Variants in BCL7C observed in about 807,000 individuals in gnomAD.
BCL7C encodes B-cell CLL/lymphoma 7 protein family member C.
A neutral mutation model predicts 26.2 loss-of-function variants in BCL7C; 8 were observed. The ratio of observed to expected loss-of-function variants is 0.30; its 90% CI spans 0.18 to 0.55. The LOEUF is 0.55. Among genes scored for constraint, BCL7C ranks in the 20% least tolerant of loss-of-function variants. BCL7C has a pLI of 0.93. For missense variants in BCL7C, 262 were observed against 298.5 expected (o/e 0.88, Z 0.90); for synonymous variants, 90 against 116.5 (o/e 0.77, Z 1.47).
rs2055280840 is a variant in BCL7C at position 30,893,118 on chromosome 16, AGGTCTCG to A, written c.171+87_171+93del. On this transcript the variant is annotated intron_variant, in intron 2 of 5. Coordinates refer to ENST00000215115, the MANE Select transcript of BCL7C (RefSeq NM_004765.4). This position sits in a 1 kb window ranked among gnomAD's most constrained non-coding sequence, Gnocchi z 5.2. ...GTTCCCGTCTGTCCTGCTGCATCTG[AGGTCTCG>A]GGGAGCTGGAGGTAGAGGTCAGCGT... is the stretch of plus-strand genomic sequence containing the variant. 5 of 1,363,102 alleles carry A rather than the reference AGGTCTCG, an allele frequency of 3.7e-6. No individual in the cohort carries two copies. The East Asian group carries it at 1.2e-4, about 32-fold the overall frequency. The allele number at this position is 1,363,102 out of a possible 1,614,324, so 84.4% of individuals were successfully genotyped here.
chr16:30,845,957 T>C, intron 5 of BCL7C, among the ~76,000 whole-genome samples: 1 of 151,416 alleles, frequency 6.6e-6, no homozygotes, highest in Middle Eastern at 3.2e-3. Flanking sequence ...ATACAAAAAT[T>C]AGCTGTGCAT....
intron 5 of BCL7C, among the ~76,000 whole-genome samples, chr16:30,852,554 T>C (rs2125293): frequency 0.74 from 110,303 of 150,010 alleles, 41,075 homozygotes; most frequent in East Asian, 0.91. Flanking sequence ...TGCAGTATTG[T>C]GATCTCGGCT....
chr16:30,878,780 T>C (rs1276277556), intron 5 of BCL7C, among the ~76,000 whole-genome samples: 6 of 151,336 alleles, frequency 4.0e-5, no homozygotes, highest in Admixed American at 2.6e-4. Flanking sequence ...GAGGCAGAGG[T>C]TGCAGTGAGC....
intron 4 of BCL7C, among the ~76,000 whole-genome samples, chr16:30,890,921 G>A (rs1365982393): frequency 1.3e-5 from 2 of 151,934 alleles, no homozygotes; most frequent in African/African-American, 2.4e-5. Flanking sequence ...GGAGGCAGAG[G>A]TTGCGGTGAG....
intron 5 of BCL7C, among the ~76,000 whole-genome samples, chr16:30,863,538 A>G (rs1312699451): frequency 1.3e-5 from 2 of 152,194 alleles, no homozygotes; most frequent in African/African-American, 2.4e-5. Flanking sequence ...AGGGCCATCA[A>G]AAGGTGTCAG....
intron 5 of BCL7C, 57 bp downstream of exon 5, chr16:30,888,803 G>T: frequency 6.5e-7 from 1 of 1,549,812 alleles, no homozygotes; most frequent in South Asian, 1.1e-5. Flanking sequence ...GCCTTCGACT[G>T]CCCAGATCCC....
In BCL7C at chr16:30,834,991, G is replaced by A. The variant is rs2054560659; in HGVS notation, c.686C>T (p.Ala229Val). The stretch of plus-strand genomic sequence containing the variant: ...GGGGATTGTTCTGGGTGCCCTCGGG[G>A]CCTTGCTGCCTCCCCCGGGAGCTCT... Residue 229 changes from alanine (A) to valine (V), a missense_variant, in exon 6 of 6, where the codon GCC (alanine) becomes GTC (valine). Ala to Val is a moderately conservative substitution (Grantham distance 64, BLOSUM62 0). Transcript: ENST00000380317. This position sits in a 1 kb window ranked among gnomAD's most constrained non-coding sequence, Gnocchi z 4.3. 1 of 1,548,082 alleles carries A rather than the reference G, an allele frequency of 6.5e-7. No homozygotes were observed.
chr16:30,864,283 A>G (rs1400609578), intron 5 of BCL7C, among the ~76,000 whole-genome samples: 1 of 152,152 alleles, frequency 6.6e-6, no homozygotes, highest in Non-Finnish European at 1.5e-5. Flanking sequence ...AATTATGCTG[A>G]ACCCCCTTGG....
intron 5 of BCL7C, among the ~76,000 whole-genome samples, chr16:30,849,693 T>C (rs981402836): frequency 3.9e-5 from 6 of 151,972 alleles, no homozygotes; most frequent in African/African-American, 1.4e-4. Flanking sequence ...TTGGGCAATC[T>C]GCCTGCCTCG....
intron 5 of BCL7C, among the ~76,000 whole-genome samples, chr16:30,877,489 G>A (rs922752265): frequency 2.0e-5 from 3 of 147,354 alleles, no homozygotes; most frequent in Admixed American, 6.9e-5. Flanking sequence ...CACCAGGCCC[G>A]AGTGCAGTGG....
intron 5 of BCL7C, among the ~76,000 whole-genome samples, chr16:30,865,890 AT>A (rs4046092): frequency 0.65 from 88,708 of 137,026 alleles, 28,802 homozygotes; most frequent in East Asian, 0.89. Flanking sequence ...CAGTGCCCTA[AT>A]TTTTTTTTTT....
chr16:30,863,647 T>C (rs927928084), intron 5 of BCL7C, among the ~76,000 whole-genome samples: 4 of 152,270 alleles, frequency 2.6e-5, no homozygotes, highest in South Asian at 4.1e-4. Context: ...CTCCTTCTCA[T>C]CGGTCACGCC....
chr16:30,848,923 C>T (rs1458494029), intron 5 of BCL7C, among the ~76,000 whole-genome samples: 2 of 147,384 alleles, frequency 1.4e-5, no homozygotes, highest in African/African-American at 5.0e-5. Flanking sequence ...CGCGGTGGTT[C>T]ATGCCTGTAA....
Position 30,893,090 on chromosome 16 carries a change from A to T in BCL7C, c.171+122T>A, listed in dbSNP as rs1347735136. On this transcript the variant is annotated intron_variant, in intron 2 of 5. Transcript: ENST00000215115. This position sits in a 1 kb window ranked among gnomAD's most constrained non-coding sequence, Gnocchi z 5.2. ...GGCAAAAGGGGAGGAGCTGCTAATGATGGTTCCCGTCTGTCCTGCTGCATC... is the reference window on the plus strand; with the variant it reads ...GGCAAAAGGGGAGGAGCTGCTAATGTTGGTTCCCGTCTGTCCTGCTGCATC... 9.6e-6 allele frequency: 12 copies of T among 1,247,668 alleles called. No individual in the cohort carries two copies. The highest frequency in any genetic ancestry group is 2.2e-5 in the Admixed American group (1 of 46,088). 77.3% of individuals were successfully genotyped at this position (1,247,668 alleles called of 1,614,324 possible).
chr16:30,868,605 G>A (rs1596600543), intron 5 of BCL7C, among the ~76,000 whole-genome samples: 1 of 151,762 alleles, frequency 6.6e-6, no homozygotes, highest in East Asian at 2.0e-4. Flanking sequence ...GACCAACATG[G>A]AGAAACCTGG....
intron 5 of BCL7C, among the ~76,000 whole-genome samples, chr16:30,836,164 G>C (rs1248926958): frequency 6.6e-6 from 1 of 152,176 alleles, no homozygotes; most frequent in Admixed American, 6.5e-5. Flanking sequence ...TGAGGCACGA[G>C]AATCGCTTGA....
chr16:30,868,971 C>T (rs1340638382), intron 5 of BCL7C, among the ~76,000 whole-genome samples: 1 of 151,770 alleles, frequency 6.6e-6, no homozygotes, highest in Non-Finnish European at 1.5e-5. Flanking sequence ...TTTTGAACTC[C>T]TGACCTCAAA....
At chr16:30,874,831 G>A (rs1025419518) in intron 5 of BCL7C, among the ~76,000 whole-genome samples, 1 of 152,168 alleles carries the variant, frequency 6.6e-6, no homozygotes, top group African/African-American at 2.4e-5. Flanking sequence ...CTTCTGCCTC[G>A]CGAGGTGGAG....
chr16:30,889,110 G>A (rs571833350), intron 4 of BCL7C, among the ~76,000 whole-genome samples, 165 bp from the exon 5 acceptor site: 31 of 152,342 alleles, frequency 2.0e-4, no homozygotes, highest in East Asian at 1.9e-4. Flanking sequence ...AGCAGAGGAG[G>A]GAACACTGAT....
Sources: gnomAD v4.1 joint callset for allele counts (sites outside exome capture counted in the v4.1 genomes callset) on GRCh38, gnomAD v4.1.1 for gene constraint, Gnocchi (gnomAD v3.1) non-coding constraint, MANE v1.5 for transcripts, NCBI Gene and HGNC (gene_info 2026-07-23, HGNC 2026-07-21) for gene names.